Variants in SUPT3H observed in about 807,000 individuals in gnomAD.
The protein encoded by SUPT3H is transcription initiation protein SPT3 homolog.
Under a neutral mutation model 44.3 loss-of-function variants are expected in SUPT3H, and 44 were observed. That is an observed-to-expected ratio of 0.99 (90% confidence interval 0.78 to 1.28). SUPT3H has a LOEUF of 1.28. Among genes scored for constraint, SUPT3H ranks in the 50% most tolerant of loss-of-function variants. The probability of loss-of-function intolerance (pLI) is 0.00; values close to 1 mark genes in which losing one functional copy is unlikely to be tolerated. For missense variants in SUPT3H, 380 were observed against 387.1 expected (o/e 0.98, Z 0.15); for synonymous variants, 124 against 125.6 (o/e 0.99, Z 0.09).
chr6:44,812,482 T>C (rs1766599083), intron 11 of SUPT3H, among the ~76,000 whole-genome samples: 1 of 152,230 alleles, frequency 6.6e-6, no homozygotes, highest in Non-Finnish European at 1.5e-5. Context: ...ACTGGACCCA[T>C]GTGGATAATC....
At chr6:45,038,753 C>T (rs1438001984) in intron 3 of SUPT3H, among the ~76,000 whole-genome samples, 2 of 151,886 alleles carry the variant, frequency 1.3e-5, no homozygotes, top group Admixed American at 1.3e-4. Context: ...AATACACATA[C>T]ACAATTTGAA....
downstream of SUPT3H, among the ~76,000 whole-genome samples, chr6:44,824,327 ACT>A (rs567417227): frequency 4.2e-4 from 64 of 152,154 alleles, no homozygotes; most frequent in Middle Eastern, 6.8e-3. Context: ...AGGTGAACTA[ACT>A]CTTCCCAAGT....
chr6:45,184,369 G>A (rs1221729642), intron 2 of SUPT3H, among the ~76,000 whole-genome samples: 5 of 151,934 alleles, frequency 3.3e-5, no homozygotes, highest in African/African-American at 4.8e-5. Flanking sequence ...TTCTAACAGG[G>A]GAAATGGTAA....
At chr6:45,021,240 A>T (rs1785092154) in intron 3 of SUPT3H, among the ~76,000 whole-genome samples, 1 of 151,942 alleles carries the variant, frequency 6.6e-6, no homozygotes, top group East Asian at 1.9e-4. Flanking sequence ...AATATACAAC[A>T]CAAAACATTA....
At chr6:45,282,151 A>T (rs1316398437) in intron 2 of SUPT3H, among the ~76,000 whole-genome samples, 2 of 152,216 alleles carry the variant, frequency 1.3e-5, no homozygotes, top group Non-Finnish European at 2.9e-5. Context: ...AACAGAGCAG[A>T]AAAACTGGAA....
chr6:45,310,181 C>T (rs1024100111), intron 2 of SUPT3H, among the ~76,000 whole-genome samples: 2 of 152,168 alleles, frequency 1.3e-5, no homozygotes, highest in Non-Finnish European at 2.9e-5. Context: ...CCCTGACAAC[C>T]TGCATGACTC....
At chr6:45,141,054 A>G (rs1386627788) in intron 2 of SUPT3H, among the ~76,000 whole-genome samples, 1 of 152,164 alleles carries the variant, frequency 6.6e-6, no homozygotes, top group Non-Finnish European at 1.5e-5. Context: ...AAGAATTCAG[A>G]AGAGGCCGGG....
At chr6:44,930,626 T>C (rs1288474250) in intron 10 of SUPT3H, among the ~76,000 whole-genome samples, 3 of 149,288 alleles carry the variant, frequency 2.0e-5, no homozygotes, top group South Asian at 2.1e-4. Context: ...CAAATTCTCA[T>C]AGCTGAAGAA....
At chr6:45,227,388 T>C (rs1767141477) in intron 2 of SUPT3H, among the ~76,000 whole-genome samples, 1 of 152,212 alleles carries the variant, frequency 6.6e-6, no homozygotes, top group Non-Finnish European at 1.5e-5. Context: ...TATGTGCTTA[T>C]GCCTTCACAA....
chr6:45,113,783 T>C (rs938769809), intron 2 of SUPT3H, among the ~76,000 whole-genome samples: 4 of 149,422 alleles, frequency 2.7e-5, no homozygotes, highest in Non-Finnish European at 4.4e-5. Flanking sequence ...TGAGCCGAGA[T>C]TGAGCCATTG....
intron 2 of SUPT3H, among the ~76,000 whole-genome samples, chr6:45,158,009 C>T (rs182976881): frequency 6.8e-6 from 1 of 147,952 alleles, no homozygotes; most frequent in Non-Finnish European, 1.5e-5. Context: ...CTCAACATGA[C>T]CCATCCATGC....
intron 8 of SUPT3H, 67 bp downstream of exon 8, chr6:44,954,428 T>A (rs1278740402): frequency 4.5e-6 from 5 of 1,103,468 alleles, no homozygotes; most frequent in Non-Finnish European, 7.0e-6. Flanking sequence ...AGAAGAAGAA[T>A]TGATCATGGG....
intron 3 of SUPT3H, among the ~76,000 whole-genome samples, chr6:45,050,878 A>ATT (rs35575281): frequency 0.013 from 1,119 of 86,122 alleles, 25 homozygotes; most frequent in East Asian, 0.021. Context: ...AGGGTATGGG[A>ATT]TTTTTTTTTT....
rs991950571 is a variant in SUPT3H at position 45,330,612 on chromosome 6, GCTT to G, written c.101+34586_101+34588del. 7.9e-5 allele frequency among the ~76,000 whole-genome samples: 12 copies of G among 152,082 alleles called. 1 individual carries two copies. Among genetic ancestry groups the G allele is most frequent in the African/African-American group, 2.9e-4 (12 of 41,522 alleles). On this transcript the variant is annotated intron_variant, in intron 2 of 10. Transcript: ENST00000371459. ...ATTCTCACAAAGAATATATTAAACT[GCTT>G]CTTATTCTATCATAACAGGGATCTT... is the stretch of plus-strand genomic sequence containing the variant.
At chr6:44,904,268 C>A (rs1005516508) in intron 10 of SUPT3H, among the ~76,000 whole-genome samples, 1 of 152,126 alleles carries the variant, frequency 6.6e-6, no homozygotes, top group Non-Finnish European at 1.5e-5. Context: ...ATCTAGAAAA[C>A]CCCATTGTCT....
At chr6:44,816,953 T>A (rs993106860) in intron 11 of SUPT3H, among the ~76,000 whole-genome samples, 1 of 151,990 alleles carries the variant, frequency 6.6e-6, no homozygotes, top group African/African-American at 2.4e-5. Flanking sequence ...TCTAGCTGTT[T>A]GGGAGGCTGA....
intron 2 of SUPT3H, among the ~76,000 whole-genome samples, chr6:45,237,896 A>G (rs1769497133): frequency 6.6e-6 from 1 of 152,188 alleles, no homozygotes; most frequent in Non-Finnish European, 1.5e-5. Context: ...TACAGCCAGG[A>G]TTGCCTTCTC....
intron 9 of SUPT3H, among the ~76,000 whole-genome samples, chr6:44,936,210 A>AT (rs1293563898): frequency 1.3e-5 from 2 of 152,162 alleles, no homozygotes; most frequent in Admixed American, 6.5e-5. Context: ...CTTATGGAGA[A>AT]TTTTTTTCAC....
intron 6 of SUPT3H, among the ~76,000 whole-genome samples, chr6:44,995,936 T>C (rs1781211149): frequency 6.6e-6 from 1 of 151,962 alleles, no homozygotes; most frequent in African/African-American, 2.4e-5. Context: ...ATATTTCTCC[T>C]TGCAGCCTTA....
Sources: gnomAD v4.1 joint callset for allele counts (sites outside exome capture counted in the v4.1 genomes callset) on GRCh38, gnomAD v4.1.1 for gene constraint, MANE v1.5 for transcripts, NCBI Gene and HGNC (gene_info 2026-07-23, HGNC 2026-07-21) for gene names.